Variants in PALM2AKAP2 observed in about 807,000 individuals in gnomAD.
The protein encoded by PALM2AKAP2 is PALM2 and AKAP2 fusion.
PALM2AKAP2 carries 37 observed loss-of-function variants against 71.5 expected under a neutral mutation model. The ratio of observed to expected loss-of-function variants is 0.52; its 90% CI spans 0.40 to 0.68. PALM2AKAP2 has a LOEUF of 0.68. Among genes scored for constraint, PALM2AKAP2 ranks in the 30% least tolerant of loss-of-function variants. PALM2AKAP2 has a pLI of 0.00. For missense variants in PALM2AKAP2, 1,224 were observed against 1,191.8 expected (o/e 1.03, Z -0.40); for synonymous variants, 468 against 478.8 (o/e 0.98, Z 0.29).
chr9:110,134,409 C>A (rs1256852779), intron 1 of PALM2AKAP2, among the ~76,000 whole-genome samples: 1 of 152,094 alleles, frequency 6.6e-6, no homozygotes, highest in Non-Finnish European at 1.5e-5. Flanking sequence ...CAGACCTAGA[C>A]TGGAAGAAAA....
At chr9:109,903,769 C>T (rs1435897331) in intron 3 of PALM2AKAP2, among the ~76,000 whole-genome samples, 3 of 151,912 alleles carry the variant, frequency 2.0e-5, no homozygotes, top group African/African-American at 7.3e-5. Context: ...TCCCACATAG[C>T]GAACTTGCAT....
intron 6 of PALM2AKAP2, among the ~76,000 whole-genome samples, chr9:109,950,589 C>T (rs989249500): frequency 1.3e-4 from 20 of 152,192 alleles, no homozygotes; most frequent in Admixed American, 3.3e-4. Context: ...TCCCAAGCAT[C>T]ATCCTTCCTC....
At chr9:109,992,824 C>A (rs966446924) in intron 6 of PALM2AKAP2, among the ~76,000 whole-genome samples, 1 of 151,910 alleles carries the variant, frequency 6.6e-6, no homozygotes, top group East Asian at 1.9e-4. Context: ...AATCCTGGGA[C>A]CACACTTGGG....
chr9:110,034,436 G>A (rs971213357), intron 7 of PALM2AKAP2, among the ~76,000 whole-genome samples: 5 of 152,138 alleles, frequency 3.3e-5, no homozygotes, highest in African/African-American at 1.2e-4. Context: ...GGGATTACAG[G>A]CGTGAACCAC....
At chr9:110,053,162 G>C (rs867287343) in intron 1 of PALM2AKAP2, among the ~76,000 whole-genome samples, 2 of 152,252 alleles carry the variant, frequency 1.3e-5, no homozygotes, top group Middle Eastern at 3.4e-3. Context: ...TCCCTTTCGT[G>C]CTCCTGTCTC....
intron 1 of PALM2AKAP2, among the ~76,000 whole-genome samples, chr9:109,681,328 G>A (rs1366469051): frequency 6.6e-6 from 1 of 152,104 alleles, no homozygotes; most frequent in Non-Finnish European, 1.5e-5. Flanking sequence ...AGCTGTAATT[G>A]GTTATTTATT....
chr9:110,066,892 C>T (rs1364909417), intron 1 of PALM2AKAP2, among the ~76,000 whole-genome samples: 1 of 151,998 alleles, frequency 6.6e-6, no homozygotes, highest in East Asian at 1.9e-4. Flanking sequence ...ATTCATGATG[C>T]CTGTTATGCC....
intron 6 of PALM2AKAP2, among the ~76,000 whole-genome samples, chr9:109,941,000 C>T (rs1197304477): frequency 6.6e-6 from 1 of 152,046 alleles, no homozygotes; most frequent in African/African-American, 2.4e-5. Flanking sequence ...ACTTTGTGGA[C>T]CATATAGTCT....
intron 1 of PALM2AKAP2, among the ~76,000 whole-genome samples, chr9:109,729,242 T>C (rs1828519068): frequency 2.0e-5 from 3 of 152,196 alleles, no homozygotes; most frequent in Non-Finnish European, 2.9e-5. Flanking sequence ...CCGACTCCCA[T>C]GGCCACCTGA....
intron 6 of PALM2AKAP2, among the ~76,000 whole-genome samples, chr9:109,987,443 A>G (rs1369197117): frequency 6.6e-6 from 1 of 152,016 alleles, no homozygotes; most frequent in Non-Finnish European, 1.5e-5. Context: ...TTCCTTTTTC[A>G]TAATGTGATT....
At chr9:110,068,723 G>A (rs1454905608) in intron 1 of PALM2AKAP2, among the ~76,000 whole-genome samples, 2 of 151,466 alleles carry the variant, frequency 1.3e-5, no homozygotes, top group African/African-American at 2.5e-5. Flanking sequence ...TGTAGAGAGA[G>A]AGTCTTGCCT....
intron 1 of PALM2AKAP2, among the ~76,000 whole-genome samples, chr9:110,097,998 A>C (rs1834895936): frequency 6.9e-6 from 1 of 144,952 alleles, no homozygotes; most frequent in Admixed American, 6.7e-5. Flanking sequence ...GTCTCCACCC[A>C]AAAAATACGA....
intron 6 of PALM2AKAP2, among the ~76,000 whole-genome samples, chr9:110,006,711 T>C (rs1440993066): frequency 1.3e-5 from 2 of 151,848 alleles, no homozygotes; most frequent in African/African-American, 2.4e-5. Flanking sequence ...GAGAAAAAAA[T>C]ATAAATTTAT....
intron 1 of PALM2AKAP2, among the ~76,000 whole-genome samples, chr9:109,839,511 A>G (rs1306775808): frequency 6.6e-6 from 1 of 152,222 alleles, no homozygotes; most frequent in East Asian, 1.9e-4. Context: ...CTCCTATTCA[A>G]CATAGTGTTG....
At chr9:109,668,005 C>T in intron 1 of PALM2AKAP2, among the ~76,000 whole-genome samples, 1 of 16,344 alleles carries the variant, frequency 6.1e-5, no homozygotes, top group South Asian at 1.1e-3. Context: ...GGCGGGATCT[C>T]GGCTCACTGC....
intron 3 of PALM2AKAP2, among the ~76,000 whole-genome samples, chr9:109,921,085 C>A (rs760389117): frequency 2.6e-5 from 4 of 152,246 alleles, no homozygotes; most frequent in Non-Finnish European, 5.9e-5. Context: ...GGCCAGCCCC[C>A]TCTCCATAAA....
chr9:109,967,379 A>G (rs1831971615), intron 6 of PALM2AKAP2, among the ~76,000 whole-genome samples: 1 of 151,406 alleles, frequency 6.6e-6, no homozygotes, highest in Non-Finnish European at 1.5e-5. Flanking sequence ...AGGCCAGCCC[A>G]TATGCAAGGG....
rs575722108 is a variant in PALM2AKAP2 at position 110,001,445 on chromosome 9, C to T, written c.497-14509C>T. Among the ~76,000 whole-genome samples, 22 of 152,236 alleles carry T rather than the reference C, an allele frequency of 1.4e-4. No individual in the cohort carries two copies. The South Asian group carries it at 2.7e-3, about 19-fold the overall frequency. On this transcript the variant is annotated intron_variant, in intron 6 of 9. Transcript: ENST00000302798. ...TGTAGTATAGTTTGAAGTCAGGTAG[C>T]GTGACGCCTCCAGCTTTGTTCTTTT...
At chr9:109,711,696 C>A (rs1211747655) in intron 1 of PALM2AKAP2, among the ~76,000 whole-genome samples, 1 of 152,156 alleles carries the variant, frequency 6.6e-6, no homozygotes, top group Non-Finnish European at 1.5e-5. Flanking sequence ...CTGTGAAAGT[C>A]GCCTTAAGAA....
Sources: gnomAD v4.1 joint callset for allele counts (sites outside exome capture counted in the v4.1 genomes callset) on GRCh38, gnomAD v4.1.1 for gene constraint, MANE v1.5 for transcripts, NCBI Gene and HGNC (gene_info 2026-07-23, HGNC 2026-07-21) for gene names.